Variants in RAB38 observed in about 807,000 individuals in gnomAD.
RAB38 encodes the protein ras-related protein Rab-38.
In RAB38, 15 loss-of-function variants were observed where a neutral mutation model predicts 18.4. The observed-to-expected ratio is 0.82, with a 90% CI of 0.55 to 1.26. The LOEUF (loss-of-function observed/expected upper bound fraction) is 1.26, where lower values mean the gene tolerates loss of function less well. Among genes scored for constraint, RAB38 ranks in the 50% most tolerant of loss-of-function variants. RAB38 has a pLI of 0.00. For missense variants in RAB38, 294 were observed against 267.4 expected (o/e 1.10, Z -0.69); for synonymous variants, 101 against 104.4 (o/e 0.97, Z 0.20).
At position 88,149,711 on chromosome 11, in the gene RAB38, C is replaced by T; in HGVS notation, c.447G>A (p.Glu149=). Residue 149 remains glutamate (E), a synonymous_variant, in exon 2 of 3, where the codon GAG becomes GAA. Transcript: ENST00000243662. Reference sequence around the variant, plus strand: ...TTTCAAACCATCCTACGAAACCGTGCTCCTTGCAGAACTGGTCCATCTTGA... The same window carrying T: ...TTTCAAACCATCCTACGAAACCGTGTTCCTTGCAGAACTGGTCCATCTTGA... ...NGLKMDQFCK[E]HGFVGWFETS... The T allele has an allele frequency of 4.3e-6, 7 of 1,613,530 alleles. No individual in the cohort carries two copies. Among genetic ancestry groups the T allele is most frequent in the South Asian group, 1.1e-5 (1 of 91,020 alleles).
the RAB38 span, among the ~76,000 whole-genome samples, chr11:88,021,343 T>C: frequency 0.7 from 106,089 of 151,816 alleles, 37,294 homozygotes; most frequent in East Asian, 0.76. Flanking sequence ...CTAGATGAAA[T>C]AGATAAATTC....
At chr11:87,869,940 C>A in the RAB38 span, among the ~76,000 whole-genome samples, 1 of 151,632 alleles carries the variant, frequency 6.6e-6, no homozygotes, top group Non-Finnish European at 1.5e-5. Context: ...TCAGAAAATT[C>A]TAAAATTCAT....
intron 2 of RAB38, among the ~76,000 whole-genome samples, chr11:88,121,880 C>T (rs960603308): frequency 3.9e-5 from 6 of 152,178 alleles, no homozygotes; most frequent in Admixed American, 3.3e-4. Context: ...TGCTCTTAAC[C>T]CACTGCTCCC....
the RAB38 span, among the ~76,000 whole-genome samples, chr11:88,074,604 A>G: frequency 6.6e-6 from 1 of 152,190 alleles, no homozygotes; most frequent in Non-Finnish European, 1.5e-5. Flanking sequence ...AGAGAAAATC[A>G]CTTGACCACA....
At chr11:88,157,683 A>G (rs1208145084) in intron 1 of RAB38, among the ~76,000 whole-genome samples, 1 of 152,170 alleles carries the variant, frequency 6.6e-6, no homozygotes, top group Non-Finnish European at 1.5e-5. Flanking sequence ...CATTACCGAA[A>G]TCTCTCAAAA....
chr11:87,930,480 A>G, the RAB38 span, among the ~76,000 whole-genome samples: 1 of 151,986 alleles, frequency 6.6e-6, no homozygotes, highest in Non-Finnish European at 1.5e-5. Context: ...TTGTCAGATG[A>G]GTAGATTGCA....
the RAB38 span, among the ~76,000 whole-genome samples, chr11:88,092,407 A>G: frequency 0.046 from 2,519 of 54,614 alleles, 767 homozygotes; most frequent in Admixed American, 0.099. Context: ...AGAGAGAGAG[A>G]GAGAGAGAGA....
At chr11:88,025,991 A>G in the RAB38 span, among the ~76,000 whole-genome samples, 1 of 151,882 alleles carries the variant, frequency 6.6e-6, no homozygotes, top group Admixed American at 6.6e-5. Context: ...CTAAAGATGG[A>G]GTCTCGCTGT....
the RAB38 span, among the ~76,000 whole-genome samples, chr11:87,869,758 C>A: frequency 2.0e-5 from 3 of 151,634 alleles, no homozygotes; most frequent in East Asian, 5.9e-4. Flanking sequence ...ATCTACACAA[C>A]ACAGCCCAAA....
At chr11:87,938,476 G>C in the RAB38 span, among the ~76,000 whole-genome samples, 1 of 152,086 alleles carries the variant, frequency 6.6e-6, no homozygotes, top group Non-Finnish European at 1.5e-5. Context: ...GCCTCACAAA[G>C]GGAGAAGTCC....
chr11:87,827,040 T>C, the RAB38 span, among the ~76,000 whole-genome samples: 5 of 152,264 alleles, frequency 3.3e-5, no homozygotes, highest in South Asian at 2.1e-4. Context: ...AAAAGTTTAA[T>C]TGAGGTAACA....
chr11:87,829,508 G>C, the RAB38 span, among the ~76,000 whole-genome samples: 7 of 152,126 alleles, frequency 4.6e-5, no homozygotes, highest in South Asian at 2.1e-4. Context: ...AGGGGAGAGA[G>C]AGTGACCAAG....
chr11:87,854,108 T>C, the RAB38 span, among the ~76,000 whole-genome samples: 1 of 142,378 alleles, frequency 7.0e-6, no homozygotes, highest in Non-Finnish European at 1.5e-5. Context: ...TCCTCAACCT[T>C]AATCAATCAC....
At chr11:87,837,113 T>A in the RAB38 span, among the ~76,000 whole-genome samples, 3 of 152,340 alleles carry the variant, frequency 2.0e-5, no homozygotes, top group African/African-American at 7.2e-5. Context: ...AAGTGACCAC[T>A]GTGAGCACTC....
At chr11:88,029,683 T>A in the RAB38 span, among the ~76,000 whole-genome samples, 1 of 152,008 alleles carries the variant, frequency 6.6e-6, no homozygotes, top group South Asian at 2.1e-4. Context: ...GAGGTAACTA[T>A]CCTAAATATA....
the RAB38 span, chr11:87,816,965 T>C: frequency 1.3e-5 from 2 of 152,272 alleles, no homozygotes; most frequent in East Asian, 1.9e-4. Flanking sequence ...GCTCATTCTA[T>C]ATGAATCAAT....
chr11:87,811,707 T>C, the RAB38 span, among the ~76,000 whole-genome samples: 1 of 152,182 alleles, frequency 6.6e-6, no homozygotes, highest in African/African-American at 2.4e-5. Context: ...GTGTTGCTTT[T>C]TAAATTCCAG....
chr11:88,042,046 A>G, the RAB38 span, among the ~76,000 whole-genome samples: 14 of 152,336 alleles, frequency 9.2e-5, 1 homozygote, highest in South Asian at 2.5e-3. Context: ...AGGGAGGCAT[A>G]TAATAGATTT....
the RAB38 span, among the ~76,000 whole-genome samples, chr11:87,895,549 T>G: frequency 1.3e-5 from 2 of 151,684 alleles, no homozygotes; most frequent in Admixed American, 1.3e-4. Flanking sequence ...AACTAAGTAT[T>G]ATTAGCCTCA....
Sources: gnomAD v4.1 joint callset for allele counts (sites outside exome capture counted in the v4.1 genomes callset) on GRCh38, gnomAD v4.1.1 for gene constraint, MANE v1.5 for transcripts, NCBI Gene and HGNC (gene_info 2026-07-23, HGNC 2026-07-21) for gene names.